KCTD2: variants seen among roughly 807,000 people sequenced by gnomAD.
KCTD2 encodes the protein BTB/POZ domain-containing protein KCTD2.
In KCTD2, 18 loss-of-function variants were observed where a neutral mutation model predicts 27.9. That is an observed-to-expected ratio of 0.64 (90% CI 0.45 to 0.96). The LOEUF is 0.96. KCTD2 is among the 40% of genes least tolerant of loss of function. KCTD2 has a pLI of 0.00. For synonymous variants in KCTD2, 175 were observed against 148.4 expected, an observed-to-expected ratio of 1.18 and a Z score of -1.30; for missense variants, 280 against 348.0, an observed-to-expected ratio of 0.80 and a Z score of 1.56.
intron 2 of KCTD2, among the ~76,000 whole-genome samples, chr17:75,050,077 C>G (rs891321106): frequency 6.6e-6 from 1 of 152,188 alleles, no homozygotes; most frequent in Non-Finnish European, 1.5e-5. Flanking sequence ...GAATTGCTCT[C>G]TCTCTCTTTT....
intron 3 of KCTD2, chr17:75,036,212 C>G (rs916426802): frequency 3.4e-6 from 1 of 291,044 alleles, no homozygotes; most frequent in Non-Finnish European, 7.1e-6. Context: ...AGCCACTGGG[C>G]CCGGCCAGGG....
At chr17:75,036,775 C>G (rs2040117101) in intron 3 of KCTD2, among the ~76,000 whole-genome samples, 1 of 152,242 alleles carries the variant, frequency 6.6e-6, no homozygotes, top group Admixed American at 6.5e-5. Context: ...AGTGCCAGTT[C>G]AGTGACTGCA....
chr17:75,047,443 G>T lies in KCTD2; in HGVS notation c.193G>T (p.Ala65Ser), dbSNP rs1273910759. The T allele has an allele frequency of 9.2e-6, 14 of 1,515,018 alleles. No individual in the cohort carries two copies. The highest frequency in any genetic ancestry group is 1.1e-5 in the Non-Finnish European group (13 of 1,131,940). The allele number at this position is 1,515,018 out of a possible 1,614,324, so 93.8% of individuals were successfully genotyped here. A position where few individuals can be genotyped will look rare whatever the true frequency, so the allele number is the denominator to read the frequency against. Residue 65 changes from alanine to serine, a missense_variant, in exon 1 of 6, where the codon GCA (alanine) becomes TCA (serine). Physicochemically the swap from Ala to Ser is moderately conservative, Grantham distance 99. Transcript: ENST00000322444. ...LEPGPGPPER[A>S]GGGGAARWVR... ...GCCGGGTCCCGGACCACCCGAGCGG[G>T]CAGGGGGCGGCGGCGCGGCCCGCTG...
At chr17:75,046,773 G>C (rs2073224070), upstream of KCTD2, among the ~76,000 whole-genome samples, 1 of 152,154 alleles carries the variant, frequency 6.6e-6, no homozygotes, top group Admixed American at 6.5e-5. Context: ...GGGGCGAGGA[G>C]CGGCAGCTAC....
chr17:75,035,094 G>A (rs567612776), intron 2 of KCTD2: 4 of 152,256 alleles, frequency 2.6e-5, no homozygotes, highest in African/African-American at 7.2e-5. Context: ...GGCCTCTCTA[G>A]GAGGTAGCTG....
chr17:75,063,301 A>G lies in KCTD2; in HGVS notation c.*254A>G. On this transcript the variant is annotated 3_prime_UTR_variant, in exon 6 of 6. Transcript: ENST00000322444. The stretch of plus-strand genomic sequence containing the variant: ...ATTTGCTTAGCCAGTATTAGAACAG[A>G]TCTTTACAACAGCAGCTGGGCTGGG... 2 of 517,774 alleles carry G rather than the reference A, an allele frequency of 3.9e-6. No individual in the cohort carries two copies. Among genetic ancestry groups the G allele is most frequent in the South Asian group, 2.5e-5 (1 of 40,510 alleles). The allele number at this position is 517,774 out of a possible 1,614,324, so 32.1% of individuals were successfully genotyped here.
chr17:75,040,421 T>A, intron 3 of KCTD2: 1 of 469,768 alleles, frequency 2.1e-6, no homozygotes. Context: ...CAATTCTTTA[T>A]GATGATAAGC....
chr17:75,033,855 A>G (rs1041433384), intron 1 of KCTD2, among the ~76,000 whole-genome samples: 1 of 152,232 alleles, frequency 6.6e-6, no homozygotes, highest in Non-Finnish European at 1.5e-5. Flanking sequence ...TCTCTAGGAA[A>G]AGGGGACACT....
At chr17:75,050,071 TGC>T (rs1491436587) in intron 2 of KCTD2, among the ~76,000 whole-genome samples, 1 of 152,194 alleles carries the variant, frequency 6.6e-6, no homozygotes, top group Non-Finnish European at 1.5e-5. Flanking sequence ...AAAGAGGAAT[TGC>T]TCTCTCTCTC....
intron 1 of KCTD2, among the ~76,000 whole-genome samples, 177 bp downstream of exon 1, chr17:75,047,766 C>T (rs900379490): frequency 1.3e-5 from 2 of 152,138 alleles, no homozygotes; most frequent in African/African-American, 2.4e-5. Flanking sequence ...CACTCCCCTT[C>T]TTCCATGCTG....
At chr17:75,040,021 T>C (rs1408243409) in intron 3 of KCTD2, 3 of 1,524,350 alleles carry the variant, frequency 2.0e-6, no homozygotes, top group Non-Finnish European at 2.7e-6. Context: ...CACTCTAACT[T>C]AACTTAGCTA....
chr17:75,039,818 C>G, intron 3 of KCTD2: 1 of 459,258 alleles, frequency 2.2e-6, no homozygotes, highest in Non-Finnish European at 3.9e-6. Context: ...GCAGTCCCCT[C>G]TCAACCATCC....
chr17:75,046,017 C>CGG (rs1201072805), upstream of KCTD2, among the ~76,000 whole-genome samples: 1 of 152,182 alleles, frequency 6.6e-6, no homozygotes, highest in African/African-American at 2.4e-5. Context: ...TGGTTTCAGC[C>CGG]GGTCTCTCTG....
chr17:75,041,097 A>G (rs34603178), intron 3 of KCTD2: 20,064 of 150,384 alleles, frequency 0.13, 2,037 homozygotes, highest in East Asian at 0.57. Flanking sequence ...GGTGGCTCAC[A>G]CCTGTACTCC....
At chr17:75,060,406 C>T (rs1362533241) in intron 4 of KCTD2, 2 of 1,560,518 alleles carry the variant, frequency 1.3e-6, no homozygotes, top group Middle Eastern at 2.3e-4. Context: ...CACTTATTAA[C>T]TGGTTCACTT....
intron 1 of KCTD2, 68 bp from the exon 2 acceptor site, chr17:75,049,152 T>A: frequency 2.1e-6 from 2 of 945,612 alleles, no homozygotes; most frequent in South Asian, 3.6e-5. Context: ...GATGGTGAAA[T>A]CCTGCCCTGC....
rs1195945838 is a variant in KCTD2 at position 75,052,826 on chromosome 17, G to A, written c.449-188G>A. 2.6e-5 allele frequency among the ~76,000 whole-genome samples: 4 copies of A among 152,192 alleles called. No individual in the cohort carries two copies. In the South Asian group the frequency reaches 6.2e-4, roughly 24 times the overall value. ...AGAGAATCATTTGAACGCAGGAGGC[G>A]GAGGTTGCCGTGAGCCAAGATCGCA... On this transcript the variant is annotated intron_variant, in intron 2 of 5. Transcript: ENST00000322444.
At chr17:75,042,841 A>G (rs773825426), upstream of KCTD2, among the ~76,000 whole-genome samples, 1 of 152,236 alleles carries the variant, frequency 6.6e-6, no homozygotes, top group Middle Eastern at 3.4e-3. Context: ...AGACTGCATC[A>G]CTGCACTCCA....
At chr17:75,034,505 C>G (rs889761316) in intron 2 of KCTD2, among the ~76,000 whole-genome samples, 2 of 152,134 alleles carry the variant, frequency 1.3e-5, no homozygotes, top group Non-Finnish European at 2.9e-5. Context: ...CACTGGGGCG[C>G]GGTAAGACGC....
Sources: gnomAD v4.1 joint callset for allele counts (sites outside exome capture counted in the v4.1 genomes callset) on GRCh38, gnomAD v4.1.1 for gene constraint, MANE v1.5 for transcripts, NCBI Gene and HGNC (gene_info 2026-07-23, HGNC 2026-07-21) for gene names.